THOC2: variants seen among roughly 807,000 people sequenced by gnomAD.
THOC2 encodes THO complex subunit 2.
In THOC2, 10 loss-of-function variants were observed where a neutral mutation model predicts 128.4. That is an observed-to-expected ratio of 0.08 (90% confidence interval 0.05 to 0.13). THOC2 has a LOEUF of 0.13. THOC2 is among the 10% of genes least tolerant of loss of function. THOC2 has a pLI of 1.00. For missense variants in THOC2, 535 were observed against 1,155.7 expected (o/e 0.46, Z 7.79); for synonymous variants, 393 against 396.9 (o/e 0.99, Z 0.12).
chrX:123,657,490 A>G (rs1256617713), intron 12 of THOC2, among the ~76,000 whole-genome samples: 1 of 110,754 alleles, frequency 9.0e-6, no homozygotes, highest in Non-Finnish European at 1.9e-5. Context: ...ATCATGTTAT[A>G]ACTACAGAAA....
At chrX:123,620,781 TA>T in intron 32 of THOC2, 125 bp downstream of exon 32, 1 of 566,333 alleles carries the variant, frequency 1.8e-6, no homozygotes, top group Non-Finnish European at 2.7e-6. Flanking sequence ...ATTCATTTTC[TA>T]ATGCAATATA....
intron 2 of THOC2, among the ~76,000 whole-genome samples, chrX:123,709,119 TA>T (rs1556310663): frequency 8.9e-6 from 1 of 112,627 alleles, no homozygotes; most frequent in Non-Finnish European, 1.9e-5. Flanking sequence ...CATAGAACTG[TA>T]AGTGGTGGTT....
chrX:123,643,569 C>CT (rs1430638072), intron 15 of THOC2, among the ~76,000 whole-genome samples: 1 of 110,856 alleles, frequency 9.0e-6, no homozygotes, highest in Non-Finnish European at 1.9e-5. Flanking sequence ...CTGGAGAACT[C>CT]TTAAGTCCAG....
At chrX:123,668,071 A>C (rs909542447) in intron 10 of THOC2, 88 bp downstream of exon 10, 1 of 684,965 alleles carries the variant, frequency 1.5e-6, no homozygotes, top group African/African-American at 2.2e-5. Context: ...CTAAGAAATT[A>C]TTCTTCCATA....
In THOC2 at chrX:123,665,779, C is replaced by T; in HGVS notation, c.1249G>A (p.Ala417Thr). The stretch of plus-strand genomic sequence containing the variant: ...TCAAAGCTCTCAGCTTGTTTTGGTG[C>T]TCTCTTGTTTTGCAAAGCATTAACA... ...SPVNALQNKR[A>T]PKQAESFEDL... Residue 417 changes from alanine (A) to threonine (T), a missense_variant, in exon 12 of 39, where the codon GCA (alanine) becomes ACA (threonine). This residue lies in a region of THOC2 where 197 missense variants were observed against 313.4 expected (regional missense o/e 0.63). Transcript: ENST00000245838. 8.3e-7 allele frequency: 1 copy of T among 1,202,659 alleles called. No homozygotes were observed.
Position 123,645,191 on chromosome X carries a change from T to A in THOC2, c.1428+143A>T, listed in dbSNP as rs1369113300. On this transcript the variant is annotated intron_variant, in intron 13 of 38. Coordinates refer to ENST00000245838, the MANE Select transcript of THOC2 (RefSeq NM_001081550.2). ...GTTAATCTTAAAAGATAACTTTGCA[T>A]ATGCCGCCAAAAACTATAATCAGCA... 1.3e-5 allele frequency: 6 copies of A among 465,258 alleles called. No homozygotes were observed. The African/African-American group carries it at 1.5e-4, about 12-fold the overall frequency. 38.3% of individuals were successfully genotyped at this position (465,258 alleles called of 1,213,427 possible). A position where few individuals can be genotyped will look rare whatever the true frequency, so the allele number is the denominator to read the frequency against.
At chrX:123,663,538 T>TTA (rs1556121547) in intron 12 of THOC2, among the ~76,000 whole-genome samples, 1,276 of 100,888 alleles carry the variant, frequency 0.013, 15 homozygotes, top group Admixed American at 0.02. Flanking sequence ...CTGATTTTTT[T>TTA]AAAAAAAAAA....
chrX:123,658,930 C>A, intron 12 of THOC2, among the ~76,000 whole-genome samples: 1 of 112,024 alleles, frequency 8.9e-6, no homozygotes, highest in South Asian at 3.7e-4. Flanking sequence ...TATAGCAAAT[C>A]TTTGTGCCTT....
At chrX:123,706,280 C>CA (rs2050922484) in intron 3 of THOC2, among the ~76,000 whole-genome samples, 2 of 111,370 alleles carry the variant, frequency 1.8e-5, no homozygotes, top group Non-Finnish European at 3.8e-5. Flanking sequence ...TAACTACAAA[C>CA]AAAAAATGGC....
At chrX:123,685,978 G>C (rs929408461) in intron 8 of THOC2, among the ~76,000 whole-genome samples, 1 of 111,037 alleles carries the variant, frequency 9.0e-6, no homozygotes, top group Non-Finnish European at 1.9e-5. Flanking sequence ...GGTTCACTTC[G>C]GACCAGGAGT....
intron 25 of THOC2, among the ~76,000 whole-genome samples, chrX:123,625,401 T>C (rs991692392): frequency 1.8e-5 from 2 of 112,085 alleles, no homozygotes; most frequent in African/African-American, 6.5e-5. Context: ...CCCGGCCACA[T>C]TATGTTTTTA....
chrX:123,614,101 G>T lies in THOC2; in HGVS notation c.4400C>A (p.Ser1467Tyr). 1 of 1,206,241 alleles carries T rather than the reference G, an allele frequency of 8.3e-7. No homozygotes were observed. ...KKDLDKSRERSREREKKDEKD... is the reference protein window; with the variant it reads ...KKDLDKSRERYREREKKDEKD... ...TTCATCTTTTTTCTCTCTTTCTCTG[G>T]ATCTTTCCCTTGACTTGTCCAAATC... Residue 1467 changes from serine to tyrosine, a missense_variant, in exon 34 of 39, where the codon TCC becomes TAC. Transcript: ENST00000245838.
intron 12 of THOC2, among the ~76,000 whole-genome samples, chrX:123,663,559 G>A (rs762501152): frequency 8.8e-4 from 95 of 107,903 alleles, no homozygotes; most frequent in African/African-American, 2.8e-3. Context: ...AGCATAAATG[G>A]TTATGGTTAG....
At chrX:123,699,627 TA>T (rs761201631) in intron 4 of THOC2, among the ~76,000 whole-genome samples, 87 of 110,635 alleles carry the variant, frequency 7.9e-4, no homozygotes, top group Non-Finnish European at 1.5e-3. Flanking sequence ...TCCAGGGCCC[TA>T]AAGTCCCTAA....
chrX:123,607,530 C>G (rs11796594), intron 38 of THOC2, among the ~76,000 whole-genome samples: 37,925 of 107,197 alleles, frequency 0.35, 5,423 homozygotes, highest in South Asian at 0.56. Flanking sequence ...TCTCAAATTC[C>G]TGGCCTCAAG....
intron 21 of THOC2, 50 bp from the exon 22 acceptor site, chrX:123,631,902 G>A: frequency 9.3e-7 from 1 of 1,079,471 alleles, no homozygotes; most frequent in Non-Finnish European, 1.3e-6. Context: ...AAGTGATTAA[G>A]AAGTCATTTT....
At chrX:123,639,612 T>C (rs1317184545) in intron 16 of THOC2, among the ~76,000 whole-genome samples, 3 of 111,066 alleles carry the variant, frequency 2.7e-5, no homozygotes, top group Non-Finnish European at 5.7e-5. Context: ...AACTTTACTA[T>C]GGGTACACAC....
At chrX:123,668,009 T>TA (rs1339716117) in intron 10 of THOC2, 150 bp downstream of exon 10, 1 of 391,394 alleles carries the variant, frequency 2.6e-6, no homozygotes, top group African/African-American at 2.6e-5. Flanking sequence ...AGATTAAAAA[T>TA]AAAACCACTG....
chrX:123,726,157 C>T (rs779930552), intron 1 of THOC2, among the ~76,000 whole-genome samples: 69 of 109,920 alleles, frequency 6.3e-4, no homozygotes, highest in African/African-American at 2.2e-3. Flanking sequence ...TGTAGTGGGT[C>T]GAGATCGCAC....
Sources: gnomAD v4.1 joint callset for allele counts (sites outside exome capture counted in the v4.1 genomes callset) on GRCh38, gnomAD v4.1.1 for gene constraint, gnomAD v4.1.1 regional missense constraint, MANE v1.5 for transcripts, NCBI Gene and HGNC (gene_info 2026-07-23, HGNC 2026-07-21) for gene names.